The following ITSN2 variants were observed in gnomAD, a reference collection of about 807,000 sequenced individuals.
The protein encoded by ITSN2 is intersectin-2.
Under a neutral mutation model 243.7 loss-of-function variants are expected in ITSN2, and 156 were observed. The ratio of observed to expected loss-of-function variants is 0.64; its 90% CI spans 0.56 to 0.73. ITSN2 has a LOEUF of 0.73. Ranked by LOEUF, ITSN2 falls within the 30% of genes least tolerant of loss-of-function variation. The pLI is 0.00. For synonymous variants in ITSN2, 703 were observed against 699.9 expected (o/e 1.00, Z -0.07); for missense variants, 1,801 against 1,996.1 (o/e 0.90, Z 1.86).
At position 24,205,241 on chromosome 2, in the gene ITSN2, T is replaced by C; in HGVS notation, c.4735A>G (p.Thr1579Ala). ...TTTGGTTTGCAGGCTTTTAATTCTGTAGCTTCAATGACATGCACCATCAGG... is the reference window on the plus strand; with the variant it reads ...TTTGGTTTGCAGGCTTTTAATTCTGCAGCTTCAATGACATGCACCATCAGG... Reference protein sequence around the residue: ...GRLMVHVIEATELKACKPNGK... With the variant: ...GRLMVHVIEAAELKACKPNGK... Residue 1579 changes from threonine (T) to alanine (A), a missense_variant, in exon 38 of 40, where the codon ACA becomes GCA. Around this residue, in one of 5 missense-constraint regions of ITSN2, gnomAD observed 928 missense variants for 1,065.4 expected, o/e 0.87. Coordinates refer to ENST00000355123, the MANE Select transcript of ITSN2 (RefSeq NM_006277.3). The C allele has an allele frequency of 6.2e-7, 1 of 1,614,060 alleles. No individual in the cohort carries two copies. Among genetic ancestry groups the C allele is most frequent in the South Asian group, 1.1e-5 (1 of 91,082 alleles).
At chr2:24,330,892 G>T (rs1216527853) in intron 1 of ITSN2, among the ~76,000 whole-genome samples, 1 of 148,064 alleles carries the variant, frequency 6.8e-6, no homozygotes, top group Admixed American at 6.7e-5. Context: ...TCAGCCTCCT[G>T]AGTAGCTGGG....
rs2151174398 is a variant in ITSN2, at chr2:24,225,464, C to T, written c.3578-4398G>A. Among the ~76,000 whole-genome samples the T allele has an allele frequency of 6.6e-6, 1 of 152,336 alleles. No homozygotes were observed. The highest frequency in any genetic ancestry group is 2.1e-4 in the South Asian group (1 of 4,826). ...TTGGCATTGCCAAGTTCAGTGACCTCTTCTGAGCTTGCACCCTCCCCTGCC... is the reference window on the plus strand; with the variant it reads ...TTGGCATTGCCAAGTTCAGTGACCTTTTCTGAGCTTGCACCCTCCCCTGCC... On this transcript the variant is annotated intron_variant, in intron 29 of 39. Coordinates refer to ENST00000355123, the MANE Select transcript of ITSN2 (RefSeq NM_006277.3). This position sits in a 1 kb window ranked among gnomAD's most constrained non-coding sequence, Gnocchi z 4.2.
chr2:24,338,204 AC>A (rs757387027), intron 1 of ITSN2, among the ~76,000 whole-genome samples: 1 of 152,144 alleles, frequency 6.6e-6, no homozygotes, highest in Non-Finnish European at 1.5e-5. Flanking sequence ...AGTGTTTATA[AC>A]CTCTTATCAA....
At chr2:24,281,274 C>T (rs1678740245) in intron 17 of ITSN2, among the ~76,000 whole-genome samples, 1 of 152,232 alleles carries the variant, frequency 6.6e-6, no homozygotes, top group Non-Finnish European at 1.5e-5. Flanking sequence ...AGGTGATCAA[C>T]CCGCCTCAGC....
chr2:24,322,423 CAT>C, intron 2 of ITSN2, among the ~76,000 whole-genome samples: 1 of 152,286 alleles, frequency 6.6e-6, no homozygotes, highest in East Asian at 1.9e-4. Context: ...GGTAATTAAA[CAT>C]AAATACACTC....
At chr2:24,305,426 A>C (rs1682388863) in intron 8 of ITSN2, among the ~76,000 whole-genome samples, 1 of 151,798 alleles carries the variant, frequency 6.6e-6, no homozygotes, top group South Asian at 2.1e-4. Context: ...ACATGGCAAA[A>C]CCTGTCTCTA....
rs764407508 is a variant in ITSN2, at chr2:24,221,017, T to C, written c.3627A>G (p.Lys1209=). Residue 1209 remains lysine (K), a synonymous_variant, in exon 30 of 40, where the codon AAA becomes AAG. Coordinates refer to ENST00000355123, the MANE Select transcript of ITSN2 (RefSeq NM_006277.3). The part of the protein sequence containing the change: ...TLDTMQPIER[K]RQGYIHELIQ... ...TCAGCTCATGAATATAGCCCTGTCT[T>C]TTCCTCTCAATTGGCTGCATTGTGT... The C allele has an allele frequency of 1.9e-6, 3 of 1,609,410 alleles. No individual in the cohort carries two copies. Among genetic ancestry groups the C allele is most frequent in the Non-Finnish European group, 2.5e-6 (3 of 1,178,278 alleles).
At chr2:24,217,183 A>T (rs1198480687) in intron 31 of ITSN2, among the ~76,000 whole-genome samples, 1 of 151,506 alleles carries the variant, frequency 6.6e-6, no homozygotes, top group Non-Finnish European at 1.5e-5. Flanking sequence ...CAGGAGGCGG[A>T]GGTTGCAGTG....
rs2151389712 is a variant in ITSN2 at position 24,261,220 on chromosome 2, C to T, written c.2568G>A (p.Val856=). The change falls in exon 22 of 40, where the codon GTG becomes GTA. Residue 856 remains valine (V), a synonymous_variant. Coordinates refer to ENST00000355123, the MANE Select transcript of ITSN2 (RefSeq NM_006277.3). ...AAAAAGATACATTTTGATAATCAGT[C>T]ACTGATGCTGGTTGATTTGAAGAAA... is the stretch of plus-strand genomic sequence containing the variant. ...EPLSSNQPAS[V]TDYQNVSFSN... The T allele has an allele frequency of 1.2e-6, 2 of 1,612,272 alleles. No individual in the cohort carries two copies. Among genetic ancestry groups the T allele is most frequent in the South Asian group, 2.2e-5 (2 of 90,896 alleles).
At chr2:24,312,103 A>C in intron 5 of ITSN2, 109 bp downstream of exon 5, 1 of 830,096 alleles carries the variant, frequency 1.2e-6, no homozygotes, top group Non-Finnish European at 1.8e-6. Context: ...ATTAACTTGG[A>C]ATCTGGGGAC....
At chr2:24,268,857 T>G (rs994883534) in intron 20 of ITSN2, among the ~76,000 whole-genome samples, 1 of 152,090 alleles carries the variant, frequency 6.6e-6, no homozygotes, top group Non-Finnish European at 1.5e-5. Context: ...GTTTTATATA[T>G]TCACTGTCTC....
chr2:24,321,488 A>C (rs1455654915), intron 2 of ITSN2, among the ~76,000 whole-genome samples: 7 of 152,228 alleles, frequency 4.6e-5, no homozygotes, highest in African/African-American at 7.2e-5. Flanking sequence ...TAAAAAATCT[A>C]TAAATATCCT....
At chr2:24,268,327 T>C (rs1281349771) in intron 20 of ITSN2, among the ~76,000 whole-genome samples, 1 of 152,230 alleles carries the variant, frequency 6.6e-6, no homozygotes, top group African/African-American at 2.4e-5. Context: ...CTTCATCTTC[T>C]ACTTCAGCAA....
rs1669917286 is a variant in ITSN2, at chr2:24,215,962, A to G, written c.3990+87T>C. 3 of 966,972 alleles carry G rather than the reference A, an allele frequency of 3.1e-6. No homozygotes were observed. The Admixed American group carries it at 9.5e-5, about 31-fold the overall frequency. 59.9% of individuals were successfully genotyped at this position (966,972 alleles called of 1,614,324 possible). A position where few individuals can be genotyped will look rare whatever the true frequency, so the allele number is the denominator to read the frequency against. ...GAAACTGATGGGGATGCCCTTCTCCATTGCTGGGATTCCCTGTTGGGCTAC... is the reference window on the plus strand; with the variant it reads ...GAAACTGATGGGGATGCCCTTCTCCGTTGCTGGGATTCCCTGTTGGGCTAC... On this transcript the variant is annotated intron_variant, in intron 32 of 39. Coordinates refer to ENST00000355123, the MANE Select transcript of ITSN2 (RefSeq NM_006277.3).
Position 24,204,137 on chromosome 2 carries a change from T to A in ITSN2, c.4936+108A>T. 8.9e-7 allele frequency: 1 copy of A among 1,118,250 alleles called. No homozygotes were observed. The highest frequency in any genetic ancestry group is 1.4e-5 in the South Asian group (1 of 69,364). 69.3% of individuals were successfully genotyped at this position (1,118,250 alleles called of 1,614,324 possible). A position where few individuals can be genotyped will look rare whatever the true frequency, so the allele number is the denominator to read the frequency against. ...GCGAGATGACACAGGCCTGTGTCAC[T>A]TCCCTGAAGTGGCATGGGGTCTGCA... On this transcript the variant is annotated intron_variant, in intron 39 of 39. Transcript: ENST00000355123. The surrounding 1 kb of genome is among the most constrained non-coding windows in gnomAD (Gnocchi z 5.1).
intron 12 of ITSN2, 118 bp from the exon 13 acceptor site, chr2:24,298,932 A>C: frequency 1.2e-6 from 1 of 801,868 alleles, no homozygotes; most frequent in Non-Finnish European, 1.9e-6. Flanking sequence ...TTTAGTGCCT[A>C]AGGGTAGCTA....
chr2:24,231,737 A>T (rs2151203269), intron 29 of ITSN2, among the ~76,000 whole-genome samples: 1 of 152,308 alleles, frequency 6.6e-6, no homozygotes, highest in Middle Eastern at 3.4e-3. Flanking sequence ...ACAAAAGACA[A>T]TCTGTGATGA....
rs1005373584 is a variant in ITSN2, at chr2:24,258,089, T to A, written c.2687A>T (p.Gln896Leu). The change falls in exon 23 of 40, where the codon CAA becomes CTA. Residue 896 changes from glutamine to leucine, a missense_variant. By Grantham distance (113) the Gln-to-Leu change is moderately radical. Transcript: ENST00000355123. ...GSVSPIHGQG[Q>L]VVENLKAQAL... ...CTGTGCTTTTAAGTTTTCTACCACTTGTCCCTATGAATACAAAACCACCAA... is the reference window on the plus strand; with the variant it reads ...CTGTGCTTTTAAGTTTTCTACCACTAGTCCCTATGAATACAAAACCACCAA... The A allele has an allele frequency of 6.2e-7, 1 of 1,612,908 alleles. No individual in the cohort carries two copies. Among genetic ancestry groups the A allele is most frequent in the African/African-American group, 1.3e-5 (1 of 74,858 alleles).
chr2:24,360,564 G>C (rs1688875603), upstream of ITSN2: 1 of 152,286 alleles, frequency 6.6e-6, no homozygotes, highest in Non-Finnish European at 1.5e-5. Context: ...GGGGAGGTAG[G>C]CGCCGGGCCG....
Sources: gnomAD v4.1 joint callset for allele counts (sites outside exome capture counted in the v4.1 genomes callset) on GRCh38, gnomAD v4.1.1 for gene constraint, gnomAD v4.1.1 regional missense constraint, Gnocchi (gnomAD v3.1) non-coding constraint, MANE v1.5 for transcripts, NCBI Gene and HGNC (gene_info 2026-07-23, HGNC 2026-07-21) for gene names.